Variants in YIPF7 observed in about 807,000 individuals in gnomAD.
YIPF7 encodes the protein protein YIPF7.
YIPF7 carries 35 observed loss-of-function variants against 27.2 expected under a neutral mutation model. That is an observed-to-expected ratio of 1.29 (90% CI 0.98 to 1.70). YIPF7 has a LOEUF of 1.70. Ranked by LOEUF, YIPF7 falls within the 40% of genes most tolerant of loss-of-function variation. The pLI, the probability that YIPF7 is intolerant of heterozygous loss-of-function variation, is 0.00. For synonymous variants in YIPF7, 137 were observed against 110.4 expected (o/e 1.24, Z -1.51); for missense variants, 358 against 303.7 (o/e 1.18, Z -1.33).
upstream of YIPF7, among the ~76,000 whole-genome samples, chr4:44,653,454 G>C (rs1021510358): frequency 3.9e-5 from 6 of 152,096 alleles, no homozygotes; most frequent in Non-Finnish European, 4.4e-5. Flanking sequence ...TGGTACAAAA[G>C]TCATGGCAAC....
upstream of YIPF7, among the ~76,000 whole-genome samples, chr4:44,655,090 G>A (rs1374528567): frequency 6.6e-6 from 1 of 152,004 alleles, no homozygotes; most frequent in African/African-American, 2.4e-5. Flanking sequence ...TGTAGAGGCT[G>A]TGAGTTGCTC....
At chr4:44,639,442 T>C (rs1713249577) in intron 2 of YIPF7, among the ~76,000 whole-genome samples, 1 of 152,184 alleles carries the variant, frequency 6.6e-6, no homozygotes, top group Admixed American at 6.5e-5. Context: ...TAAATTTTGC[T>C]TGTAATTATT....
intron 3 of YIPF7, among the ~76,000 whole-genome samples, chr4:44,630,762 G>T (rs1234331443): frequency 6.6e-6 from 1 of 152,004 alleles, no homozygotes. Flanking sequence ...CAAATACTTA[G>T]CCATTTGACA....
chr4:44,660,795 T>C (rs973520153), intron 1 of YIPF7, among the ~76,000 whole-genome samples: 6 of 152,150 alleles, frequency 3.9e-5, no homozygotes, highest in African/African-American at 1.2e-4. Flanking sequence ...AAGGGGACTA[T>C]TAGTGGAAGC....
Position 44,650,023 on chromosome 4 carries a change from A to G in YIPF7, c.78T>C (p.Asn26=). ...FTIDNQEQSG[N]DSNAYGNLYG... is the part of the protein sequence containing the mutation. ...AAAGATTTCCATAGGCATTAGAGTC[A>G]TTACCACTCTGCTCCTGGTTATCAA... Residue 26 remains asparagine, a synonymous_variant, in exon 2 of 6, where the codon AAT becomes AAC. Transcript: ENST00000415895. 1 of 1,589,242 alleles carries G rather than the reference A, an allele frequency of 6.3e-7. No individual in the cohort carries two copies. Among genetic ancestry groups the G allele is most frequent in the Non-Finnish European group, 8.6e-7 (1 of 1,166,226 alleles).
chr4:44,658,173 G>A (rs76531980), intron 2 of YIPF7, among the ~76,000 whole-genome samples: 2,611 of 152,282 alleles, frequency 0.017, 77 homozygotes, highest in African/African-American at 0.056. Flanking sequence ...GTATCTGGAG[G>A]TGGAGTCTTT....
chr4:44,651,092 A>G (rs555551410), intron 1 of YIPF7, among the ~76,000 whole-genome samples: 57 of 152,372 alleles, frequency 3.7e-4, no homozygotes, highest in Middle Eastern at 3.4e-3. Flanking sequence ...TTATAAAAAT[A>G]TCAAATGAAA....
chr4:44,641,669 C>T (rs566949513), intron 2 of YIPF7, among the ~76,000 whole-genome samples: 1 of 152,236 alleles, frequency 6.6e-6, no homozygotes, highest in East Asian at 1.9e-4. Context: ...ACATATTCGA[C>T]CTCCTTTATG....
In YIPF7 at chr4:44,633,471, T is replaced by C. The variant is rs575029846; in HGVS notation, c.280+2451A>G. Among the ~76,000 whole-genome samples the C allele has an allele frequency of 5.4e-4, 82 of 152,192 alleles. 1 individual carries two copies. The South Asian group carries it at 7.9e-3, about 15-fold the overall frequency. On this transcript the variant is annotated intron_variant, in intron 3 of 5. Transcript: ENST00000415895. ...AAAATAAATAAATCCTTACTTCACA[T>C]ATTAAGCTTAAACAACTATTGAATA... is the stretch of plus-strand genomic sequence containing the variant.
At chr4:44,636,942 C>G (rs1331062741) in intron 2 of YIPF7, among the ~76,000 whole-genome samples, 1 of 152,118 alleles carries the variant, frequency 6.6e-6, no homozygotes, top group Non-Finnish European at 1.5e-5. Flanking sequence ...GCCAATGATT[C>G]TACTCTCTAC....
Position 44,650,507 on chromosome 4 carries a change from G to GCGCACA in YIPF7, c.-1-407_-1-406insTGTGCG, listed in dbSNP as rs6148421. Among the ~76,000 whole-genome samples, 171 of 137,176 alleles carry GCGCACA rather than the reference G, an allele frequency of 1.2e-3. 1 individual carries two copies. Among genetic ancestry groups the GCGCACA allele is most frequent in the African/African-American group, 3.1e-3 (117 of 37,200 alleles). 90.0% of individuals were successfully genotyped at this position (137,176 alleles called of 152,430 possible). On this transcript the variant is annotated intron_variant, in intron 1 of 5. Transcript: ENST00000415895. ...GGCGCACACACATGCGCGCGCGCGC[G>GCGCACA]CACACACACACACACACACACACAC...
intron 3 of YIPF7, among the ~76,000 whole-genome samples, chr4:44,631,955 T>C (rs1392055699): frequency 6.6e-6 from 1 of 152,158 alleles, no homozygotes; most frequent in Non-Finnish European, 1.5e-5. Flanking sequence ...TCAGAAAATA[T>C]AATTAGTTTG....
At chr4:44,658,492 T>C (rs77243690) in intron 2 of YIPF7, among the ~76,000 whole-genome samples, 337 of 152,324 alleles carry the variant, frequency 2.2e-3, no homozygotes, top group African/African-American at 7.9e-3. Flanking sequence ...CTGGGAACTA[T>C]AGTCTCCCCA....
chr4:44,649,651 C>A (rs562108954), intron 2 of YIPF7, among the ~76,000 whole-genome samples: 1 of 151,554 alleles, frequency 6.6e-6, no homozygotes, highest in Non-Finnish European at 1.5e-5. Context: ...TGGTGGCACA[C>A]GCCTATAATC....
In YIPF7 at chr4:44,650,532, C is replaced by CAT. The variant is rs1553873572; in HGVS notation, c.-1-432_-1-431insAT. Among the ~76,000 whole-genome samples, 3 of 151,698 alleles carry CAT rather than the reference C, an allele frequency of 2.0e-5. No individual in the cohort carries two copies. The East Asian group carries it at 5.8e-4, about 30-fold the overall frequency. On this transcript the variant is annotated intron_variant, in intron 1 of 5. Transcript: ENST00000415895. Reference sequence around the variant, plus strand: ...GCACACACACACACACACACACACACTTGTACCAAGGATTATTATCTGCAA... The same window carrying CAT: ...GCACACACACACACACACACACACACATTTGTACCAAGGATTATTATCTGCAA...
chr4:44,627,557 C>G (rs1424123464), intron 4 of YIPF7, among the ~76,000 whole-genome samples: 1 of 152,178 alleles, frequency 6.6e-6, no homozygotes, highest in Non-Finnish European at 1.5e-5. Context: ...TGAGTTAAAT[C>G]ATACTTCAAG....
chr4:44,635,639 T>C (rs1335632461), intron 3 of YIPF7, among the ~76,000 whole-genome samples: 1 of 152,230 alleles, frequency 6.6e-6, no homozygotes, highest in Non-Finnish European at 1.5e-5. Context: ...TCTTCATTTT[T>C]TTCTATTCTT....
In YIPF7 at chr4:44,648,506, C is replaced by T. The variant is rs144164030; in HGVS notation, c.116+1479G>A. Among the ~76,000 whole-genome samples, 512 of 152,074 alleles carry T rather than the reference C, an allele frequency of 3.4e-3. 4 individuals are homozygous for T. The highest frequency in any genetic ancestry group is 0.033 in the South Asian group (158 of 4,808). ...AATTTATATAATTTCAGAACAGTTC[C>T]TAACATATAATAAAAACTCAATATA... On this transcript the variant is annotated intron_variant, in intron 2 of 5. Coordinates refer to ENST00000415895, the MANE Select transcript of YIPF7 (RefSeq NM_182592.3).
At chr4:44,649,077 G>GA (rs1240147881) in intron 2 of YIPF7, among the ~76,000 whole-genome samples, 2 of 152,170 alleles carry the variant, frequency 1.3e-5, no homozygotes, top group African/African-American at 4.8e-5. Context: ...TTGCATGAGA[G>GA]AAAAAACTAT....
Sources: allele counts gnomAD v4.1 joint callset (sites outside exome capture counted in the v4.1 genomes callset), GRCh38; gene constraint gnomAD v4.1.1; transcripts MANE v1.5; gene names NCBI Gene and HGNC (gene_info 2026-07-23, HGNC 2026-07-21).